PTGFR: variants seen among roughly 807,000 people sequenced by gnomAD.
The protein encoded by PTGFR is prostaglandin F receptor.
Under a neutral mutation model 26.2 loss-of-function variants are expected in PTGFR, and 15 were observed. The observed-to-expected ratio is 0.57, with a 90% CI of 0.38 to 0.88. The LOEUF is 0.88. Ranked by LOEUF, PTGFR falls within the 40% of genes least tolerant of loss-of-function variation. The pLI is 0.00. For synonymous variants in PTGFR, 165 were observed against 151.1 expected, an observed-to-expected ratio of 1.09 and a Z score of -0.68; for missense variants, 369 against 427.2, an observed-to-expected ratio of 0.86 and a Z score of 1.20.
intron 2 of PTGFR, among the ~76,000 whole-genome samples, chr1:78,533,404 A>T (rs1650568762): frequency 6.6e-6 from 1 of 152,184 alleles, no homozygotes; most frequent in Non-Finnish European, 1.5e-5. Flanking sequence ...TGGACTAGAC[A>T]ACATTTTCCT....
intron 2 of PTGFR, among the ~76,000 whole-genome samples, chr1:78,511,212 G>T (rs1190722648): frequency 1.3e-5 from 2 of 152,188 alleles, no homozygotes. Context: ...CTGTATGGGG[G>T]CTCCAACCCA....
intron 2 of PTGFR, among the ~76,000 whole-genome samples, chr1:78,510,530 G>A (rs554942745): frequency 6.6e-6 from 1 of 152,316 alleles, no homozygotes; most frequent in South Asian, 2.1e-4. Flanking sequence ...CCATTCATGA[G>A]AGACCCACTC....
chr1:78,513,005 G>A (rs1293414072), intron 2 of PTGFR, among the ~76,000 whole-genome samples: 1 of 152,120 alleles, frequency 6.6e-6, no homozygotes, highest in Non-Finnish European at 1.5e-5. Flanking sequence ...CATGTTTCCT[G>A]TTCAGCCTGT....
At position 78,508,753 on chromosome 1, in the gene PTGFR, T is replaced by C. The variant is rs184019689; in HGVS notation, c.798+15212T>C. Reference sequence around the variant, plus strand: ...AAAATCACCTTCTTAACCCAGAGGGTCATTGTTACTTTAAAATGTGTATTT... The same window carrying C: ...AAAATCACCTTCTTAACCCAGAGGGCCATTGTTACTTTAAAATGTGTATTT... On this transcript the variant is annotated intron_variant, in intron 2 of 2. Coordinates refer to ENST00000370757, the MANE Select transcript of PTGFR (RefSeq NM_000959.4). 2.6e-5 allele frequency among the ~76,000 whole-genome samples: 4 copies of C among 152,260 alleles called. No homozygotes were observed. The East Asian group carries it at 7.7e-4, about 29-fold the overall frequency.
chr1:78,499,700 A>C (rs1481078043), intron 2 of PTGFR, among the ~76,000 whole-genome samples: 1 of 152,174 alleles, frequency 6.6e-6, no homozygotes, highest in East Asian at 1.9e-4. Context: ...AGAATCTTGG[A>C]CTTTCTGAAG....
chr1:78,492,969 A>G lies in PTGFR; in HGVS notation c.226A>G (p.Thr76Ala). Residue 76 changes from threonine to alanine, a missense_variant, in exon 2 of 3, where the codon ACT (threonine) becomes GCT (alanine). Coordinates refer to ENST00000370757, the MANE Select transcript of PTGFR (RefSeq NM_000959.4). ...GCTTTTGGCCAGTGGCCTGGTAATC[A>G]CTGATTTCTTTGGCCATCTCATCAA... ...FLLLASGLVI[T>A]DFFGHLINGA... 3 of 1,614,134 alleles carry G rather than the reference A, an allele frequency of 1.9e-6. 1 individual carries two copies. The South Asian group carries it at 3.3e-5, about 18-fold the overall frequency.
chr1:78,525,846 C>G (rs1217655723), intron 2 of PTGFR, among the ~76,000 whole-genome samples: 3 of 152,018 alleles, frequency 2.0e-5, no homozygotes, highest in Non-Finnish European at 4.4e-5. Flanking sequence ...CTTAGAGGCT[C>G]CCTTCCAGGA....
At position 78,530,982 on chromosome 1, in the gene PTGFR, G is replaced by A. The variant is rs1034272049; in HGVS notation, c.799-5424G>A. Among the ~76,000 whole-genome samples, 7 of 152,266 alleles carry A rather than the reference G, an allele frequency of 4.6e-5. No individual in the cohort carries two copies. The East Asian group carries it at 1.4e-3, about 29-fold the overall frequency. ...GATGAATTGGATTAAAATATACAAAGTGATAACATGACTTTTTCCTTCCCT... is the reference window on the plus strand; with the variant it reads ...GATGAATTGGATTAAAATATACAAAATGATAACATGACTTTTTCCTTCCCT... On this transcript the variant is annotated intron_variant, in intron 2 of 2. Coordinates refer to ENST00000370757, the MANE Select transcript of PTGFR (RefSeq NM_000959.4).
intron 2 of PTGFR, among the ~76,000 whole-genome samples, chr1:78,505,407 G>A (rs1232353800): frequency 1.3e-5 from 2 of 152,052 alleles, no homozygotes; most frequent in Non-Finnish European, 2.9e-5. Flanking sequence ...ACAGGCATGA[G>A]CCACCACGCC....
At chr1:78,533,471 C>A (rs1650569753) in intron 2 of PTGFR, among the ~76,000 whole-genome samples, 1 of 152,160 alleles carries the variant, frequency 6.6e-6, no homozygotes, top group African/African-American at 2.4e-5. Flanking sequence ...AGACAGTCCT[C>A]TGTGTGCATA....
rs78563363 is a variant in PTGFR at position 78,497,798 on chromosome 1, C to T, written c.798+4257C>T. Reference sequence around the variant, plus strand: ...TTTTAATCTGTTCCCTAATCACCAACGGTAGACTTAGGACGCTATTAAACT... The same window carrying T: ...TTTTAATCTGTTCCCTAATCACCAATGGTAGACTTAGGACGCTATTAAACT... On this transcript the variant is annotated intron_variant, in intron 2 of 2. Coordinates refer to ENST00000370757, the MANE Select transcript of PTGFR (RefSeq NM_000959.4). 1.1e-4 allele frequency: 105 copies of T among 983,650 alleles called. No individual in the cohort carries two copies. In the East Asian group the frequency reaches 2.3e-3, roughly 22 times the overall value. The allele number at this position is 983,650 out of a possible 1,614,324, so 60.9% of individuals were successfully genotyped here. A position where few individuals can be genotyped will look rare whatever the true frequency, so the allele number is the denominator to read the frequency against.
Position 78,493,404 on chromosome 1 carries a change from G to A in PTGFR, c.661G>A (p.Ala221Thr). 6.2e-7 allele frequency: 1 copy of A among 1,613,602 alleles called. No individual in the cohort carries two copies. Among genetic ancestry groups the A allele is most frequent in the East Asian group, 2.2e-5 (1 of 44,886 alleles). Residue 221 changes from alanine to threonine, a missense_variant, in exon 2 of 3, where the codon GCA (alanine) becomes ACA (threonine). Transcript: ENST00000370757. ...LALGVSLLCN[A>T]ITGITLLRVK... ...CCTTGGTGTTTCATTGTTGTGCAATGCAATCACAGGAATTACACTTTTAAG... is the reference window on the plus strand; with the variant it reads ...CCTTGGTGTTTCATTGTTGTGCAATACAATCACAGGAATTACACTTTTAAG...
At chr1:78,496,950 G>A (rs1462996612) in intron 2 of PTGFR, among the ~76,000 whole-genome samples, 10 of 131,958 alleles carry the variant, frequency 7.6e-5, no homozygotes, top group Non-Finnish European at 1.5e-4. Flanking sequence ...TGTTAGAATC[G>A]ATGAGCTGAC....
At chr1:78,510,855 C>T (rs1044189422) in intron 2 of PTGFR, among the ~76,000 whole-genome samples, 2 of 152,200 alleles carry the variant, frequency 1.3e-5, no homozygotes, top group African/African-American at 2.4e-5. Flanking sequence ...GGTAAACATT[C>T]TCATTCCCAA....
rs1418506119 is a variant in PTGFR, at chr1:78,539,611, A to G, written c.*2924A>G. ...AATAAATGTATGTTGTGCTCTTCAT[A>G]CTTGTTGGATTGTATAGAGATTAAA... On this transcript the variant is annotated 3_prime_UTR_variant, in exon 3 of 3. Transcript: ENST00000370757. 6.6e-6 allele frequency: 1 copy of G among 152,486 alleles called. No individual in the cohort carries two copies. Among genetic ancestry groups the G allele is most frequent in the African/African-American group, 2.4e-5 (1 of 41,428 alleles). 9.4% of individuals were successfully genotyped at this position (152,486 alleles called of 1,614,324 possible).
intron 2 of PTGFR, among the ~76,000 whole-genome samples, chr1:78,536,083 G>A (rs958889930): frequency 6.6e-6 from 1 of 152,042 alleles, no homozygotes; most frequent in Non-Finnish European, 1.5e-5. Context: ...ATGTGTGTTG[G>A]CTTTGCATTT....
rs1411709522 is a variant in PTGFR, at chr1:78,538,087, A to G, written c.*1400A>G. 2 of 152,172 alleles carry G rather than the reference A, an allele frequency of 1.3e-5. No individual in the cohort carries two copies. The highest frequency in any genetic ancestry group is 2.4e-5 in the African/African-American group (1 of 41,456). The allele number at this position is 152,172 out of a possible 1,614,324, so 9.4% of individuals were successfully genotyped here. ...CTCTAGGAAATCTGTGTAAGTAACCAGAAGACCTTTCAGATGGTTTATTTG... is the reference window on the plus strand; with the variant it reads ...CTCTAGGAAATCTGTGTAAGTAACCGGAAGACCTTTCAGATGGTTTATTTG... On this transcript the variant is annotated 3_prime_UTR_variant, in exon 3 of 3. Transcript: ENST00000370757.
At chr1:78,498,028 C>T (rs1649600704) in intron 2 of PTGFR, 1 of 1,031,836 alleles carries the variant, frequency 9.7e-7, no homozygotes, top group Non-Finnish European at 1.4e-6. Flanking sequence ...GCTAATATTT[C>T]TAGTCAACAT....
chr1:78,534,788 G>A (rs116256882), intron 2 of PTGFR, among the ~76,000 whole-genome samples: 1 of 151,912 alleles, frequency 6.6e-6, no homozygotes, highest in Non-Finnish European at 1.5e-5. Flanking sequence ...ATTAAAGTCC[G>A]CATATATCTC....
Sources: allele counts gnomAD v4.1 joint callset (sites outside exome capture counted in the v4.1 genomes callset), GRCh38; gene constraint gnomAD v4.1.1; transcripts MANE v1.5; gene names NCBI Gene and HGNC (gene_info 2026-07-23, HGNC 2026-07-21).